Variants in TANC1 observed in about 807,000 individuals in gnomAD.
TANC1 encodes protein TANC1.
TANC1 carries 77 observed loss-of-function variants against 149.7 expected under a neutral mutation model. The ratio of observed to expected loss-of-function variants is 0.51; its 90% CI spans 0.43 to 0.62. The LOEUF (loss-of-function observed/expected upper bound fraction) is 0.62, where lower values mean the gene tolerates loss of function less well. Ranked by LOEUF, TANC1 falls within the 20% of genes least tolerant of loss-of-function variation. The pLI, the probability that TANC1 is intolerant of heterozygous loss-of-function variation, is 0.00. For missense variants in TANC1, 1,985 were observed against 2,321.8 expected (o/e 0.85, Z 2.98); for synonymous variants, 854 against 925.0 (o/e 0.92, Z 1.39).
chr2:159,221,446 C>T (rs943449169), intron 22 of TANC1, among the ~76,000 whole-genome samples: 6 of 151,918 alleles, frequency 3.9e-5, no homozygotes, highest in Non-Finnish European at 7.4e-5. Context: ...CCAGAAGTTA[C>T]TCCTCCTGTC....
chr2:158,980,913 AAAT>A (rs1200340139), intron 1 of TANC1, among the ~76,000 whole-genome samples: 2 of 152,136 alleles, frequency 1.3e-5, no homozygotes, highest in Non-Finnish European at 2.9e-5. Context: ...AAATGTAGAA[AAAT>A]AATATCTCAT....
chr2:159,043,364 A>C (rs534802197), intron 2 of TANC1, among the ~76,000 whole-genome samples: 47 of 152,204 alleles, frequency 3.1e-4, no homozygotes, highest in African/African-American at 8.2e-4. Context: ...TGTTGCAAGC[A>C]AGTGGCATGT....
At chr2:159,169,700 T>G (rs2054979926) in intron 9 of TANC1, among the ~76,000 whole-genome samples, 1 of 152,184 alleles carries the variant, frequency 6.6e-6, no homozygotes, top group African/African-American at 2.4e-5. Flanking sequence ...TTTGTTTCAA[T>G]TCTTGGACTA....
rs534694721 is a variant in TANC1, at chr2:159,130,796, C to T, written c.260-5398C>T. Among the ~76,000 whole-genome samples the T allele has an allele frequency of 2.0e-5, 3 of 152,296 alleles. No individual in the cohort carries two copies. The East Asian group carries it at 5.8e-4, about 29-fold the overall frequency. On this transcript the variant is annotated intron_variant, in intron 4 of 26. Coordinates refer to ENST00000263635, the MANE Select transcript of TANC1 (RefSeq NM_033394.3). ...GCAGCCTCGAACTCCTGGGCTTAGGCAGTCCTCCCAAGTAGCTGGGACTAC... is the reference window on the plus strand; with the variant it reads ...GCAGCCTCGAACTCCTGGGCTTAGGTAGTCCTCCCAAGTAGCTGGGACTAC...
intron 24 of TANC1, 134 bp from the exon 25 acceptor site, chr2:159,227,685 C>G: frequency 2.0e-6 from 2 of 981,328 alleles, no homozygotes; most frequent in Non-Finnish European, 3.0e-6. Flanking sequence ...CACCTTGACA[C>G]TTGTTTGGAT....
chr2:159,028,109 T>A (rs562315782), intron 2 of TANC1, among the ~76,000 whole-genome samples: 1 of 152,234 alleles, frequency 6.6e-6, no homozygotes, highest in South Asian at 2.1e-4. Context: ...ATTCAAACCA[T>A]AGTATATGCT....
rs114536746 is a variant in TANC1, at chr2:159,138,895, T to C, written c.364+2597T>C. 5.5e-3 allele frequency among the ~76,000 whole-genome samples: 835 copies of C among 152,362 alleles called. 8 individuals are homozygous for C. The highest frequency in any genetic ancestry group is 0.019 in the African/African-American group (780 of 41,584). On this transcript the variant is annotated intron_variant, in intron 5 of 26. Coordinates refer to ENST00000263635, the MANE Select transcript of TANC1 (RefSeq NM_033394.3). ...TTTGGTCATGTAGCTCCATCAACTC[T>C]TGATTCTTAGCTCTCTGTTTGGATT...
rs570168606 is a variant in TANC1, at chr2:159,216,466, G to A, written c.3245-1031G>A. ...TCCTGGCCTCTGGTCCCACCAAAGA[G>A]CTGATCATCCTGGCCTGGGGTTGTT... On this transcript the variant is annotated intron_variant, in intron 19 of 26. Transcript: ENST00000263635. Among the ~76,000 whole-genome samples, 29 of 152,238 alleles carry A rather than the reference G, an allele frequency of 1.9e-4. No homozygotes were observed. The South Asian group carries it at 5.8e-3, about 30-fold the overall frequency.
chr2:159,135,112 G>A (rs1313513412), intron 4 of TANC1, among the ~76,000 whole-genome samples: 1 of 152,118 alleles, frequency 6.6e-6, no homozygotes, highest in Non-Finnish European at 1.5e-5. Context: ...GGCCTGCATA[G>A]CCTGCATAAC....
At chr2:159,091,440 G>A (rs1026262990) in intron 3 of TANC1, among the ~76,000 whole-genome samples, 1 of 152,220 alleles carries the variant, frequency 6.6e-6, no homozygotes. Flanking sequence ...CCCTCTGGGA[G>A]TTTGGGGGTG....
intron 2 of TANC1, among the ~76,000 whole-genome samples, chr2:159,017,204 A>C (rs2038368527): frequency 6.6e-6 from 1 of 152,322 alleles, no homozygotes; most frequent in South Asian, 2.1e-4. Context: ...TGGGACATAC[A>C]GCCACCTGGG....
intron 13 of TANC1, among the ~76,000 whole-genome samples, chr2:159,176,907 A>ATTTTTTTTTT (rs10647127): frequency 9.8e-6 from 1 of 102,018 alleles, no homozygotes; most frequent in Non-Finnish European, 1.8e-5. Context: ...AAGGTGAAAG[A>ATTTTTTTTTT]TTTTTTTTTT....
chr2:159,020,943 C>A (rs2038782200), intron 2 of TANC1, among the ~76,000 whole-genome samples: 1 of 151,538 alleles, frequency 6.6e-6, no homozygotes, highest in South Asian at 2.1e-4. Flanking sequence ...TTTTATCTTT[C>A]CATCATCTGT....
At chr2:159,047,442 C>T (rs2149570280) in intron 2 of TANC1, among the ~76,000 whole-genome samples, 1 of 151,960 alleles carries the variant, frequency 6.6e-6, no homozygotes, top group East Asian at 1.9e-4. Flanking sequence ...TCTTGGGCCC[C>T]CAAATCGCTA....
chr2:159,090,803 A>T (rs2045448276), intron 3 of TANC1, among the ~76,000 whole-genome samples: 1 of 152,214 alleles, frequency 6.6e-6, no homozygotes, highest in South Asian at 2.1e-4. Flanking sequence ...TGCAAGAGTT[A>T]ATAAATGTCC....
At chr2:159,084,579 A>G (rs2044642624) in intron 3 of TANC1, among the ~76,000 whole-genome samples, 1 of 152,132 alleles carries the variant, frequency 6.6e-6, no homozygotes, top group Non-Finnish European at 1.5e-5. Flanking sequence ...AGCTTTGCTG[A>G]CGGGACTGCC....
intron 3 of TANC1, among the ~76,000 whole-genome samples, chr2:159,089,577 CT>C (rs1355340685): frequency 3.9e-4 from 59 of 152,314 alleles, no homozygotes; most frequent in African/African-American, 1.3e-3. Flanking sequence ...TCTTTCCTCC[CT>C]GGCAGACTGG....
At chr2:159,210,733 A>T (rs1261702186) in intron 19 of TANC1, among the ~76,000 whole-genome samples, 1 of 151,500 alleles carries the variant, frequency 6.6e-6, no homozygotes. Context: ...ACGCCCAGCT[A>T]ATTTTTGTAC....
intron 2 of TANC1, among the ~76,000 whole-genome samples, chr2:159,020,919 C>T (rs1427849187): frequency 6.6e-6 from 1 of 151,426 alleles, no homozygotes; most frequent in East Asian, 1.9e-4. Flanking sequence ...TTTTAGATAC[C>T]GTGGTGCTTC....
Sources: allele counts gnomAD v4.1 joint callset (sites outside exome capture counted in the v4.1 genomes callset), GRCh38; gene constraint gnomAD v4.1.1; transcripts MANE v1.5; gene names NCBI Gene and HGNC (gene_info 2026-07-23, HGNC 2026-07-21).